The following CSRP1 variants were observed in gnomAD, a reference collection of about 807,000 sequenced individuals.
CSRP1 encodes cysteine and glycine rich protein 1.
CSRP1 carries 16 observed loss-of-function variants against 25.4 expected under a neutral mutation model. That is an observed-to-expected ratio of 0.63 (90% confidence interval 0.43 to 0.96). The LOEUF (loss-of-function observed/expected upper bound fraction) is 0.96. Ranked by LOEUF, CSRP1 falls within the 40% of genes least tolerant of loss-of-function variation. The probability of loss-of-function intolerance (pLI) is 0.00; values close to 1 mark genes in which losing one functional copy is unlikely to be tolerated. For missense variants in CSRP1, 212 were observed against 243.6 expected, an observed-to-expected ratio of 0.87 and a Z score of 0.86; for synonymous variants, 97 against 95.3, an observed-to-expected ratio of 1.02 and a Z score of -0.10.
chr1:201,497,807 T>A (rs187343621), intron 1 of CSRP1, among the ~76,000 whole-genome samples: 21 of 152,186 alleles, frequency 1.4e-4, no homozygotes, highest in African/African-American at 5.1e-4. Flanking sequence ...GTCGGGAGTT[T>A]GAGACCAGCC....
In CSRP1 at chr1:201,497,358, CAAAAAAAAAAAAA is replaced by C. The variant is rs71564149; in HGVS notation, c.-1-1067_-1-1055del. 1.6e-4 allele frequency among the ~76,000 whole-genome samples: 7 copies of C among 44,578 alleles called. No individual in the cohort carries two copies. The East Asian group carries it at 5.0e-3, about 32-fold the overall frequency. The allele number at this position is 44,578 out of a possible 152,430, so 29.2% of individuals were successfully genotyped here. On this transcript the variant is annotated intron_variant, in intron 1 of 5. Coordinates refer to ENST00000340006, the MANE Select transcript of CSRP1 (RefSeq NM_004078.3). ...TGGGCAACAGAACAAGACTCTGTCT[CAAAAAAAAAAAAA>C]AAAAAAAAAAAAGGCAGGAGGTAGG...
Position 201,484,681 on chromosome 1 carries a change from G to C in CSRP1, c.*32C>G. On this transcript the variant is annotated 3_prime_UTR_variant, in exon 6 of 6. Coordinates refer to ENST00000340006, the MANE Select transcript of CSRP1 (RefSeq NM_004078.3). ...AATGGAATGGCGATGAAAAGCGCAG[G>C]AGTGGGCAGGGTGTGGTGGGTGATG... 2 of 1,587,428 alleles carry C rather than the reference G, an allele frequency of 1.3e-6. No homozygotes were observed. Among genetic ancestry groups the C allele is most frequent in the Non-Finnish European group, 1.7e-6 (2 of 1,162,274 alleles).
At chr1:201,491,454 A>G (rs2102407172) in intron 2 of CSRP1, 1 of 152,236 alleles carries the variant, frequency 6.6e-6, no homozygotes, top group Non-Finnish European at 1.5e-5. Context: ...GAACATAATA[A>G]TGTCTGCCCC....
rs140517774 is a variant in CSRP1 at position 201,490,687 on chromosome 1, C to T, written c.113-343G>A. On this transcript the variant is annotated intron_variant, in intron 2 of 5. Transcript: ENST00000340006. The stretch of plus-strand genomic sequence containing the variant: ...CCTAGGCTGACCCCAAGCCACAGGA[C>T]GCCTGTTGAGGTTCCTCACTCTGCC... The T allele has an allele frequency of 5.5e-3, 1,070 of 195,008 alleles. 6 individuals are homozygous for T. The highest frequency in any genetic ancestry group is 7.3e-3 in the Non-Finnish European group (689 of 94,004). The allele number at this position is 195,008 out of a possible 1,614,324, so 12.1% of individuals were successfully genotyped here.
intron 2 of CSRP1, 83 bp from the exon 3 acceptor site, chr1:201,490,427 G>T: frequency 7.1e-7 from 1 of 1,413,956 alleles, no homozygotes; most frequent in Non-Finnish European, 9.8e-7. Context: ...TACAGCTGAA[G>T]CTCTCTGGCC....
At chr1:201,490,981 G>A (rs1003571968) in intron 2 of CSRP1, 4 of 152,332 alleles carry the variant, frequency 2.6e-5, no homozygotes, top group African/African-American at 9.6e-5. Context: ...ACCACAGGAA[G>A]AAGTGAGGGT....
At chr1:201,499,996 T>C (rs1186152623) in intron 1 of CSRP1, among the ~76,000 whole-genome samples, 2 of 152,168 alleles carry the variant, frequency 1.3e-5, no homozygotes, top group African/African-American at 4.8e-5. Flanking sequence ...CAAGCAAGGC[T>C]CAGAGCGGTT....
At chr1:201,485,229 G>GC (rs778551463) in intron 5 of CSRP1, 54 bp downstream of exon 5, 13 of 1,513,386 alleles carry the variant, frequency 8.6e-6, no homozygotes, top group South Asian at 1.1e-5. Context: ...AAACTACTTA[G>GC]CCCCCCTACC....
chr1:201,485,257 C>A (rs41304273), intron 5 of CSRP1, 26 bp downstream of exon 5: 36,829 of 1,611,256 alleles, frequency 0.023, 1,177 homozygotes, highest in African/African-American at 0.15. Context: ...GCCTCCTGAC[C>A]CTCAATTAGA....
intron 1 of CSRP1, among the ~76,000 whole-genome samples, chr1:201,502,861 G>A (rs560073691): frequency 1.2e-4 from 19 of 152,178 alleles, no homozygotes; most frequent in African/African-American, 3.6e-4. Flanking sequence ...TTTGCAGGGC[G>A]CAGTGGCTCA....
At chr1:201,494,331 C>T (rs1557974051) in intron 2 of CSRP1, among the ~76,000 whole-genome samples, 1 of 152,104 alleles carries the variant, frequency 6.6e-6, no homozygotes, top group Non-Finnish European at 1.5e-5. Context: ...AGAGAGGGGC[C>T]CTTAGGACCC....
intron 2 of CSRP1, chr1:201,491,350 T>G (rs189894717): frequency 7.2e-5 from 11 of 152,070 alleles, no homozygotes; most frequent in Admixed American, 7.2e-4. Context: ...TCATGAAGAG[T>G]CAGACTGCCC....
At chr1:201,498,711 T>C (rs1664582700) in intron 1 of CSRP1, among the ~76,000 whole-genome samples, 1 of 152,182 alleles carries the variant, frequency 6.6e-6, no homozygotes, top group East Asian at 1.9e-4. Flanking sequence ...TTCATATAGG[T>C]GGCCAGGAAA....
intron 1 of CSRP1, among the ~76,000 whole-genome samples, chr1:201,499,749 G>A (rs996221853): frequency 6.6e-6 from 1 of 152,170 alleles, no homozygotes; most frequent in African/African-American, 2.4e-5. Context: ...CTGAGTAGCT[G>A]GGATTATAGG....
chr1:201,503,799 T>C (rs964309060), intron 1 of CSRP1, among the ~76,000 whole-genome samples: 1 of 152,098 alleles, frequency 6.6e-6, no homozygotes, highest in Non-Finnish European at 1.5e-5. Context: ...TCCCCTCAAG[T>C]TTTGCTAGCT....
chr1:201,494,787 T>C (rs1664452183), intron 2 of CSRP1, among the ~76,000 whole-genome samples: 1 of 152,188 alleles, frequency 6.6e-6, no homozygotes, highest in Non-Finnish European at 1.5e-5. Flanking sequence ...GAGGGCTTCT[T>C]TGTATCACAC....
intron 1 of CSRP1, among the ~76,000 whole-genome samples, chr1:201,496,816 A>G (rs4915529): frequency 0.48 from 73,485 of 152,068 alleles, 18,264 homozygotes; most frequent in Non-Finnish European, 0.54. Flanking sequence ...AATGATGATC[A>G]CAAGCTTTTA....
intron 4 of CSRP1, chr1:201,488,326 T>A (rs1051514473): frequency 6.6e-6 from 1 of 152,216 alleles, no homozygotes; most frequent in Non-Finnish European, 1.5e-5. Context: ...CTAAACAGTG[T>A]GAAAAAAGCC....
chr1:201,488,820 C>G, intron 4 of CSRP1, 35 bp downstream of exon 4: 2 of 1,606,954 alleles, frequency 1.2e-6, no homozygotes, highest in Non-Finnish European at 1.7e-6. Flanking sequence ...GAAGATATCT[C>G]CCCCCATCCC....
Sources: allele counts gnomAD v4.1 joint callset (sites outside exome capture counted in the v4.1 genomes callset), GRCh38; gene constraint gnomAD v4.1.1; transcripts MANE v1.5; gene names NCBI Gene and HGNC (gene_info 2026-07-23, HGNC 2026-07-21).